SCFD2: variants seen among roughly 807,000 people sequenced by gnomAD.
The protein encoded by SCFD2 is sec1 family domain-containing protein 2.
SCFD2 carries 54 observed loss-of-function variants against 58.9 expected under a neutral mutation model. The observed-to-expected ratio is 0.92, with a 90% CI of 0.74 to 1.15. SCFD2 has a LOEUF of 1.15. SCFD2 is among the 50% of genes most tolerant of loss of function. The probability of loss-of-function intolerance (pLI) is 0.00; values close to 1 mark genes in which losing one functional copy is unlikely to be tolerated. For synonymous variants in SCFD2, 321 were observed against 335.9 expected, an observed-to-expected ratio of 0.96 and a Z score of 0.49; for missense variants, 805 against 836.6, an observed-to-expected ratio of 0.96 and a Z score of 0.47.
intron 3 of SCFD2, among the ~76,000 whole-genome samples, chr4:53,293,840 C>T (rs766237292): frequency 6.6e-6 from 1 of 151,972 alleles, no homozygotes; most frequent in Non-Finnish European, 1.5e-5. Flanking sequence ...CATCAAACCA[C>T]CATCTACATT....
At chr4:53,254,086 CT>C (rs1344249435) in intron 4 of SCFD2, among the ~76,000 whole-genome samples, 2 of 152,034 alleles carry the variant, frequency 1.3e-5, no homozygotes, top group Non-Finnish European at 2.9e-5. Flanking sequence ...ACACTGGGGC[CT>C]ACCTGAGGGT....
chr4:53,333,428 C>A (rs1733563988), intron 2 of SCFD2, among the ~76,000 whole-genome samples: 1 of 130,994 alleles, frequency 7.6e-6, no homozygotes, highest in Non-Finnish European at 1.6e-5. Flanking sequence ...CAGAACAGAG[C>A]CCTCAGAAAT....
At position 53,001,311 on chromosome 4, in the gene SCFD2, G is replaced by A. The variant is rs190819009; in HGVS notation, c.1562-80441C>T. Among the ~76,000 whole-genome samples the A allele has an allele frequency of 2.9e-3, 436 of 152,252 alleles. 2 individuals are homozygous for A. Among genetic ancestry groups the A allele is most frequent in the African/African-American group, 1.0e-2 (414 of 41,526 alleles). On this transcript the variant is annotated intron_variant, in intron 5 of 8. Coordinates refer to ENST00000401642, the MANE Select transcript of SCFD2 (RefSeq NM_152540.4). ...CAGTCAGGAGAGCACACAGCAGCAC[G>A]GGAATTAACCCTAATTACACTGAAG...
intron 4 of SCFD2, among the ~76,000 whole-genome samples, chr4:53,215,215 T>G (rs1353943212): frequency 1.3e-5 from 2 of 152,150 alleles, no homozygotes; most frequent in Non-Finnish European, 2.9e-5. Context: ...TTGATGGGGA[T>G]GGCATTGAAT....
intron 2 of SCFD2, among the ~76,000 whole-genome samples, chr4:53,326,560 G>A (rs1280347356): frequency 6.6e-6 from 1 of 152,124 alleles, no homozygotes; most frequent in African/African-American, 2.4e-5. Flanking sequence ...GGGAACGTTA[G>A]AGATATTCCT....
chr4:53,181,186 T>G (rs1462193704), intron 4 of SCFD2, among the ~76,000 whole-genome samples: 4 of 152,142 alleles, frequency 2.6e-5, no homozygotes, highest in South Asian at 2.1e-4. Context: ...TACCAAAGCC[T>G]GGCAGAGACA....
intron 5 of SCFD2, among the ~76,000 whole-genome samples, chr4:53,114,597 T>C (rs1448952072): frequency 2.0e-5 from 3 of 152,040 alleles, no homozygotes; most frequent in South Asian, 2.1e-4. Flanking sequence ...TTTTAAAGGC[T>C]GAAAGAAAAA....
At chr4:52,893,728 A>T (rs1265648295) in intron 7 of SCFD2, among the ~76,000 whole-genome samples, 2 of 152,234 alleles carry the variant, frequency 1.3e-5, no homozygotes, top group African/African-American at 4.8e-5. Context: ...GATAAGGTTC[A>T]GTCAAAGCTG....
chr4:53,031,525 AC>A (rs1722615165), intron 5 of SCFD2, among the ~76,000 whole-genome samples: 1 of 152,208 alleles, frequency 6.6e-6, no homozygotes, highest in African/African-American at 2.4e-5. Context: ...GAAGCTAAGA[AC>A]CATGACAAAG....
chr4:53,052,734 T>G (rs1301144481), intron 5 of SCFD2, among the ~76,000 whole-genome samples: 1 of 152,182 alleles, frequency 6.6e-6, no homozygotes, highest in East Asian at 1.9e-4. Context: ...TTTCAGGTGA[T>G]TTTAGGTCAA....
At chr4:53,021,718 T>C (rs968354287) in intron 5 of SCFD2, among the ~76,000 whole-genome samples, 2 of 152,106 alleles carry the variant, frequency 1.3e-5, no homozygotes, top group African/African-American at 4.8e-5. Flanking sequence ...GGAAGAGAGA[T>C]GGTAGAAAAA....
chr4:53,306,511 GA>G (rs935945744), intron 3 of SCFD2, among the ~76,000 whole-genome samples: 1 of 152,140 alleles, frequency 6.6e-6, no homozygotes, highest in African/African-American at 2.4e-5. Context: ...TTAATTCAAT[GA>G]AAACTATTTC....
intron 5 of SCFD2, among the ~76,000 whole-genome samples, chr4:52,996,785 C>T (rs1721750377): frequency 6.6e-6 from 1 of 152,166 alleles, no homozygotes; most frequent in Non-Finnish European, 1.5e-5. Context: ...CTTTTCCCAA[C>T]CAAGAAAATC....
chr4:52,891,258 A>G (rs1449720405), intron 7 of SCFD2, among the ~76,000 whole-genome samples: 2 of 152,212 alleles, frequency 1.3e-5, no homozygotes, highest in Admixed American at 1.3e-4. Flanking sequence ...TAAGCATCAG[A>G]GATTCATCAG....
At chr4:53,338,797 G>T (rs978631788) in intron 2 of SCFD2, among the ~76,000 whole-genome samples, 13 of 151,594 alleles carry the variant, frequency 8.6e-5, no homozygotes, top group Admixed American at 8.5e-4. Context: ...AGCTGGGATG[G>T]TCTTGATCTC....
At chr4:53,241,715 C>T (rs1729899668) in intron 4 of SCFD2, among the ~76,000 whole-genome samples, 2 of 152,164 alleles carry the variant, frequency 1.3e-5, no homozygotes, top group South Asian at 2.1e-4. Flanking sequence ...GTGTGTGCAC[C>T]CTGTCATGCC....
chr4:53,284,529 A>C (rs1334797879), intron 3 of SCFD2, among the ~76,000 whole-genome samples: 1 of 144,276 alleles, frequency 6.9e-6, no homozygotes, highest in Non-Finnish European at 1.5e-5. Flanking sequence ...GACATAAAAT[A>C]ATATGTCTCA....
intron 6 of SCFD2, among the ~76,000 whole-genome samples, chr4:52,919,862 G>A (rs1470189670): frequency 6.6e-6 from 1 of 152,226 alleles, no homozygotes; most frequent in African/African-American, 2.4e-5. Flanking sequence ...GCACCCTGAA[G>A]CTGAACTCCT....
At chr4:52,943,470 G>C (rs559948641) in intron 5 of SCFD2, among the ~76,000 whole-genome samples, 1 of 152,120 alleles carries the variant, frequency 6.6e-6, no homozygotes, top group Non-Finnish European at 1.5e-5. Context: ...GGCGGAACCA[G>C]GTGTAGCTTC....
Sources: gnomAD v4.1 joint callset for allele counts (sites outside exome capture counted in the v4.1 genomes callset) on GRCh38, gnomAD v4.1.1 for gene constraint, MANE v1.5 for transcripts, NCBI Gene and HGNC (gene_info 2026-07-23, HGNC 2026-07-21) for gene names.